Variants in ERMP1 observed in about 807,000 individuals in gnomAD.
The protein encoded by ERMP1 is Felix-ina.
In ERMP1, 86 loss-of-function variants were observed where a neutral mutation model predicts 92.0. That is an observed-to-expected ratio of 0.93 (90% CI 0.79 to 1.12). The LOEUF (loss-of-function observed/expected upper bound fraction) is 1.12. Ranked by LOEUF, ERMP1 falls within the 50% of genes most tolerant of loss-of-function variation. The probability of loss-of-function intolerance (pLI) is 0.00; values close to 1 mark genes in which losing one functional copy is unlikely to be tolerated. For synonymous variants in ERMP1, 530 were observed against 412.8 expected, an observed-to-expected ratio of 1.28 and a Z score of -3.44; for missense variants, 1,342 against 1,116.3, an observed-to-expected ratio of 1.20 and a Z score of -2.88.
intron 6 of ERMP1, among the ~76,000 whole-genome samples, chr9:5,843,341 T>C (rs1240508206): frequency 1.3e-5 from 2 of 152,222 alleles, no homozygotes; most frequent in Non-Finnish European, 2.9e-5. Flanking sequence ...CTGTTAATGT[T>C]GGAAACAAAT....
upstream of ERMP1, among the ~76,000 whole-genome samples, chr9:5,835,009 GTGT>G (rs2129719755): frequency 6.6e-6 from 1 of 151,116 alleles, no homozygotes; most frequent in Admixed American, 6.6e-5. Context: ...GTGTGTGTGT[GTGT>G]GTGTGTGTGT....
chr9:5,858,102 A>T (rs1830403920), intron 6 of ERMP1, among the ~76,000 whole-genome samples: 1 of 152,214 alleles, frequency 6.6e-6, no homozygotes. Context: ...TAGTGCTCTC[A>T]TAGGAGCATT....
intron 5 of ERMP1, among the ~76,000 whole-genome samples, chr9:5,862,001 A>AT (rs1005147063): frequency 5.3e-5 from 8 of 151,210 alleles, no homozygotes; most frequent in African/African-American, 1.7e-4. Context: ...TCACATTTTA[A>AT]TTTTTTTTTT....
intron 4 of ERMP1, among the ~76,000 whole-genome samples, chr9:5,821,963 A>C (rs1345864204): frequency 6.6e-6 from 1 of 152,216 alleles, no homozygotes; most frequent in Non-Finnish European, 1.5e-5. Flanking sequence ...CATCCAAGAA[A>C]TAGAAAGAGG....
intron 6 of ERMP1, among the ~76,000 whole-genome samples, chr9:5,850,328 C>T (rs912115024): frequency 5.6e-5 from 7 of 125,720 alleles, no homozygotes; most frequent in Non-Finnish European, 9.4e-5. Flanking sequence ...CTGCTTGAAC[C>T]TGGGAGGTGA....
intron 2 of ERMP1, among the ~76,000 whole-genome samples, chr9:5,825,979 G>C (rs914712337): frequency 3.3e-5 from 5 of 152,186 alleles, no homozygotes; most frequent in African/African-American, 1.2e-4. Flanking sequence ...TGATACCAAG[G>C]AATTACTGTT....
chr9:5,823,779 TA>T, intron 4 of ERMP1, 116 bp downstream of exon 4: 1 of 744,956 alleles, frequency 1.3e-6, no homozygotes, highest in Non-Finnish European at 2.2e-6. Flanking sequence ...CCTCATGCTT[TA>T]AAAAGAATGC....
rs574018626 is a variant in ERMP1 at position 5,786,284 on chromosome 9, A to C, written c.*860T>G. Reference sequence around the variant, plus strand: ...CCACTCCCAGCCTTCCTTCTACCCCAGAATAGCCCAGATGGCAGCTCAGTG... The same window carrying C: ...CCACTCCCAGCCTTCCTTCTACCCCCGAATAGCCCAGATGGCAGCTCAGTG... On this transcript the variant is annotated 3_prime_UTR_variant, in exon 15 of 15. Transcript: ENST00000339450. 1.3e-5 allele frequency: 2 copies of C among 152,256 alleles called. No homozygotes were observed. The highest frequency in any genetic ancestry group is 2.9e-5 in the Non-Finnish European group (2 of 68,070). 9.4% of individuals were successfully genotyped at this position (152,256 alleles called of 1,614,324 possible).
intron 2 of ERMP1, among the ~76,000 whole-genome samples, chr9:5,826,916 AAG>A (rs1372947229): frequency 2.0e-5 from 3 of 152,234 alleles, no homozygotes; most frequent in Non-Finnish European, 2.9e-5. Flanking sequence ...GGTGCGTTAA[AAG>A]AGAACTACAG....
intron 6 of ERMP1, among the ~76,000 whole-genome samples, chr9:5,848,679 G>T (rs571507365): frequency 1.4e-4 from 19 of 132,230 alleles, no homozygotes; most frequent in African/African-American, 4.8e-4. Context: ...TGAGTTAAAT[G>T]ACCTCTCTCT....
At chr9:5,822,657 C>T (rs1382671951) in intron 4 of ERMP1, among the ~76,000 whole-genome samples, 1 of 152,164 alleles carries the variant, frequency 6.6e-6, no homozygotes, top group East Asian at 1.9e-4. Context: ...AATATTAAAA[C>T]ATCTAGCAAA....
chr9:5,816,059 G>A (rs13290935), intron 4 of ERMP1, among the ~76,000 whole-genome samples: 2,959 of 152,224 alleles, frequency 0.019, 34 homozygotes, highest in Non-Finnish European at 0.024. Context: ...CTCTTAGATG[G>A]GAGGGAGTTG....
intron 1 of ERMP1, among the ~76,000 whole-genome samples, chr9:5,831,503 G>C (rs1012958346): frequency 3.1e-4 from 47 of 152,166 alleles, no homozygotes; most frequent in African/African-American, 1.0e-3. Context: ...AGCTACTCAA[G>C]AGGCTGAGGT....
chr9:5,848,671 A>C (rs952216331), intron 6 of ERMP1, among the ~76,000 whole-genome samples: 1 of 145,676 alleles, frequency 6.9e-6, no homozygotes, highest in Non-Finnish European at 1.5e-5. Flanking sequence ...CTTACCACTG[A>C]GTTAAATGAC....
chr9:5,804,631 T>C (rs1447628807), intron 10 of ERMP1, among the ~76,000 whole-genome samples: 1 of 152,176 alleles, frequency 6.6e-6, no homozygotes, highest in African/African-American at 2.4e-5. Context: ...AAAGCACTAA[T>C]AAAACCACCC....
At chr9:5,842,451 G>A (rs7021181) in intron 6 of ERMP1, among the ~76,000 whole-genome samples, 23,279 of 94,984 alleles carry the variant, frequency 0.25, 1,884 homozygotes, top group Non-Finnish European at 0.28. Context: ...AAAAAAAAAA[G>A]AAAGAAAAGA....
rs553560623 is a variant in ERMP1, at chr9:5,840,993, T to A, written n.3200-7681A>T. 4.5e-4 allele frequency among the ~76,000 whole-genome samples: 69 copies of A among 152,376 alleles called. 1 individual carries two copies. The highest frequency in any genetic ancestry group is 6.2e-4 in the South Asian group (3 of 4,824). Reference sequence around the variant, plus strand: ...ATGAGCCTGAGGCGAACTTGATTTATATTTTACTTAAAGGGCAACTTTTTA... The same window carrying A: ...ATGAGCCTGAGGCGAACTTGATTTAAATTTTACTTAAAGGGCAACTTTTTA... On this transcript the variant is annotated intron_variant and non_coding_transcript_variant, in intron 6 of 6. Transcript: ENST00000690753.
chr9:5,857,926 A>G (rs1830400426), intron 6 of ERMP1, among the ~76,000 whole-genome samples: 1 of 152,244 alleles, frequency 6.6e-6, no homozygotes, highest in Non-Finnish European at 1.5e-5. Flanking sequence ...GTCCAGAAAG[A>G]AGAGCTGATA....
chr9:5,833,085 GC>G lies in ERMP1; in HGVS notation c.-59del. 1.2e-5 allele frequency: 16 copies of G among 1,353,294 alleles called. No homozygotes were observed. Among genetic ancestry groups the G allele is most frequent in the Non-Finnish European group, 1.5e-5 (16 of 1,048,096 alleles). The allele number at this position is 1,353,294 out of a possible 1,614,324, so 83.8% of individuals were successfully genotyped here. A position where few individuals can be genotyped will look rare whatever the true frequency, so the allele number is the denominator to read the frequency against. On this transcript the variant is annotated 5_prime_UTR_variant, in exon 1 of 15. Transcript: ENST00000339450. ...CCAACCCGCGACAGCCCCGGCCGCCGCCGACGCCGCCGTCGCTGCCGCAGCG... is the reference window on the plus strand; with the variant it reads ...CCAACCCGCGACAGCCCCGGCCGCCGCGACGCCGCCGTCGCTGCCGCAGCG...
Sources: gnomAD v4.1 joint callset for allele counts (sites outside exome capture counted in the v4.1 genomes callset) on GRCh38, gnomAD v4.1.1 for gene constraint, MANE v1.5 for transcripts, NCBI Gene and HGNC (gene_info 2026-07-23, HGNC 2026-07-21) for gene names.